The following GPR158 variants were observed in gnomAD, a reference collection of about 807,000 sequenced individuals.
GPR158 encodes metabotropic glycine receptor.
Under a neutral mutation model 78.2 loss-of-function variants are expected in GPR158, and 30 were observed. That is an observed-to-expected ratio of 0.38 (90% confidence interval 0.29 to 0.52). The LOEUF (loss-of-function observed/expected upper bound fraction) is 0.52. Ranked by LOEUF, GPR158 falls within the 20% of genes least tolerant of loss-of-function variation. The pLI is 0.83. For synonymous variants in GPR158, 581 were observed against 591.1 expected (o/e 0.98, Z 0.25); for missense variants, 1,463 against 1,523.5 (o/e 0.96, Z 0.66).
At chr10:25,386,441 T>C (rs1399737361) in intron 2 of GPR158, among the ~76,000 whole-genome samples, 2 of 152,166 alleles carry the variant, frequency 1.3e-5, no homozygotes, top group Non-Finnish European at 2.9e-5. Context: ...CCATATAAGT[T>C]TAGGACATTT....
chr10:25,581,703 C>G (rs1005632447), intron 7 of GPR158, among the ~76,000 whole-genome samples: 1 of 152,200 alleles, frequency 6.6e-6, no homozygotes, highest in East Asian at 1.9e-4. Flanking sequence ...AGTGATGCAG[C>G]CCGAGGGAAG....
intron 4 of GPR158, among the ~76,000 whole-genome samples, chr10:25,428,231 T>A (rs1564452955): frequency 1.3e-5 from 2 of 152,086 alleles, no homozygotes; most frequent in African/African-American, 4.8e-5. Context: ...TAAAAATCAT[T>A]TTGTTTAATA....
chr10:25,430,402 G>A (rs1399025863), intron 4 of GPR158, among the ~76,000 whole-genome samples: 1 of 150,750 alleles, frequency 6.6e-6, no homozygotes, highest in Non-Finnish European at 1.5e-5. Flanking sequence ...CTCATGGGTA[G>A]GAAGAATCAA....
chr10:25,516,163 G>A (rs2130675587), intron 5 of GPR158, among the ~76,000 whole-genome samples: 1 of 152,034 alleles, frequency 6.6e-6, no homozygotes, highest in East Asian at 1.9e-4. Flanking sequence ...CTGCATAAAT[G>A]TCTTCTTTTG....
chr10:25,508,610 C>T (rs960426719), intron 5 of GPR158, among the ~76,000 whole-genome samples: 3 of 152,104 alleles, frequency 2.0e-5, no homozygotes, highest in African/African-American at 7.2e-5. Context: ...TTTGCAAGGT[C>T]AGTCTCCTGT....
At chr10:25,219,799 AT>A (rs1261296669) in intron 1 of GPR158, among the ~76,000 whole-genome samples, 1 of 152,236 alleles carries the variant, frequency 6.6e-6, no homozygotes, top group African/African-American at 2.4e-5. Context: ...GATGAGAGAA[AT>A]GAGTCATAAG....
intron 7 of GPR158, among the ~76,000 whole-genome samples, chr10:25,573,645 ATTG>A (rs1837045061): frequency 6.6e-6 from 1 of 152,216 alleles, no homozygotes; most frequent in Non-Finnish European, 1.5e-5. Flanking sequence ...GGGATATTTT[ATTG>A]TTCCCCTCAG....
intron 2 of GPR158, among the ~76,000 whole-genome samples, chr10:25,266,662 C>G (rs1429288184): frequency 6.6e-6 from 1 of 151,652 alleles, no homozygotes; most frequent in Non-Finnish European, 1.5e-5. Flanking sequence ...AAGTAAAAGA[C>G]AAGGTTAGTG....
intron 5 of GPR158, among the ~76,000 whole-genome samples, chr10:25,526,114 A>T (rs906901964): frequency 6.7e-6 from 1 of 150,168 alleles, no homozygotes; most frequent in African/African-American, 2.4e-5. Context: ...AAAAAAAAAA[A>T]AAAAAAAAAA....
chr10:25,375,280 C>A (rs1278917189), intron 2 of GPR158, among the ~76,000 whole-genome samples: 1 of 151,478 alleles, frequency 6.6e-6, no homozygotes, highest in South Asian at 2.1e-4. Context: ...ATTCTAGATT[C>A]TTTTTGGATA....
At chr10:25,374,621 A>T (rs1834049144) in intron 2 of GPR158, among the ~76,000 whole-genome samples, 2 of 151,730 alleles carry the variant, frequency 1.3e-5, no homozygotes, top group Non-Finnish European at 3.0e-5. Flanking sequence ...TAAAATTTTT[A>T]AATTTAGAGT....
rs1854535770 is a variant in GPR158, at chr10:25,297,669, G to C, written c.1008+76512G>C. Among the ~76,000 whole-genome samples, 2 of 152,204 alleles carry C rather than the reference G, an allele frequency of 1.3e-5. 1 individual carries two copies. Among genetic ancestry groups the C allele is most frequent in the South Asian group, 4.1e-4 (2 of 4,834 alleles). On this transcript the variant is annotated intron_variant, in intron 2 of 10. Transcript: ENST00000376351. ...TCAGATGGAGATTAAAGACGCAGGT[G>C]AATCAGTTTAGTTACTAGGCAACAT...
intron 1 of GPR158, among the ~76,000 whole-genome samples, chr10:25,204,818 GTTT>G (rs1159106958): frequency 8.4e-6 from 1 of 118,960 alleles, no homozygotes. Flanking sequence ...GTCTCTGAGG[GTTT>G]TTTTTTTTTT....
rs573620123 is a variant in GPR158 at position 25,544,628 on chromosome 10, C to T, written c.1405-6348C>T. ...CTTAGTGGCTTGATTTTCTCAATTT[C>T]TTCACTGTTAGTCTGTTATGAAATT... is the stretch of plus-strand genomic sequence containing the variant. On this transcript the variant is annotated intron_variant, in intron 5 of 10. Coordinates refer to ENST00000376351, the MANE Select transcript of GPR158 (RefSeq NM_020752.3). Among the ~76,000 whole-genome samples the T allele has an allele frequency of 6.0e-4, 91 of 152,098 alleles. 2 individuals carry two copies. The highest frequency in any genetic ancestry group is 3.5e-3 in the Admixed American group (53 of 15,276).
At chr10:25,513,264 A>G (rs1344800415) in intron 5 of GPR158, among the ~76,000 whole-genome samples, 1 of 151,780 alleles carries the variant, frequency 6.6e-6, no homozygotes, top group Admixed American at 6.6e-5. Context: ...GGATTAATGT[A>G]GGAGAATTAT....
intron 8 of GPR158, among the ~76,000 whole-genome samples, chr10:25,592,904 A>C (rs1339520836): frequency 1.3e-5 from 1 of 78,210 alleles, no homozygotes; most frequent in Non-Finnish European, 2.4e-5. Context: ...ATTTCAATGC[A>C]AAAAAAAAAA....
chr10:25,206,074 C>T (rs1379869998), intron 1 of GPR158, among the ~76,000 whole-genome samples: 1 of 151,358 alleles, frequency 6.6e-6, no homozygotes, highest in Admixed American at 6.6e-5. Context: ...CAAACTCTGC[C>T]TCCCAGGTTC....
intron 4 of GPR158, among the ~76,000 whole-genome samples, chr10:25,423,305 A>G (rs1372247511): frequency 6.6e-6 from 1 of 151,860 alleles, no homozygotes; most frequent in Non-Finnish European, 1.5e-5. Flanking sequence ...ATATGCAGAT[A>G]TCTTTTTAGT....
intron 2 of GPR158, among the ~76,000 whole-genome samples, chr10:25,357,747 T>C (rs1855573095): frequency 6.6e-6 from 1 of 152,038 alleles, no homozygotes; most frequent in Non-Finnish European, 1.5e-5. Flanking sequence ...GGAGAACCTC[T>C]GCTAGGACAG....
Sources: gnomAD v4.1 joint callset for allele counts (sites outside exome capture counted in the v4.1 genomes callset) on GRCh38, gnomAD v4.1.1 for gene constraint, MANE v1.5 for transcripts, NCBI Gene and HGNC (gene_info 2026-07-23, HGNC 2026-07-21) for gene names.